PCCA: variants seen among roughly 807,000 people sequenced by gnomAD.
PCCA encodes propionyl-CoA carboxylase alpha chain, mitochondrial.
In PCCA, 74 loss-of-function variants were observed where a neutral mutation model predicts 101.3. That is an observed-to-expected ratio of 0.73 (90% CI 0.61 to 0.89). The LOEUF (loss-of-function observed/expected upper bound fraction) is 0.89. Ranked by LOEUF, PCCA falls within the 40% of genes least tolerant of loss-of-function variation. PCCA has a pLI of 0.00. For missense variants in PCCA, 891 were observed against 907.0 expected (o/e 0.98, Z 0.23); for synonymous variants, 294 against 313.6 (o/e 0.94, Z 0.66).
intron 19 of PCCA, among the ~76,000 whole-genome samples, chr13:100,393,117 G>T (rs755383656): frequency 6.6e-6 from 1 of 152,106 alleles, no homozygotes; most frequent in Admixed American, 6.5e-5. Flanking sequence ...AAATGTTGAA[G>T]AATTGAATTT....
In PCCA at chr13:100,488,644, GT is replaced by G. The variant is rs1186017014; in HGVS notation, c.1900-26771del. ...TGTTTTTTTGTTTTGTTTTTTTTTTGTTTTTTTTTTTTAATTAGCTGGTGTG... is the reference window on the plus strand; with the variant it reads ...TGTTTTTTTGTTTTGTTTTTTTTTTGTTTTTTTTTTTAATTAGCTGGTGTG... On this transcript the variant is annotated intron_variant, in intron 21 of 23. Coordinates refer to ENST00000376285, the MANE Select transcript of PCCA (RefSeq NM_000282.4). Among the ~76,000 whole-genome samples, 253 of 64,860 alleles carry G rather than the reference GT, an allele frequency of 3.9e-3. 3 individuals are homozygous for G. Among genetic ancestry groups the G allele is most frequent in the Admixed American group, 0.019 (91 of 4,906 alleles). The allele number at this position is 64,860 out of a possible 152,430, so 42.6% of individuals were successfully genotyped here. A position where few individuals can be genotyped will look rare whatever the true frequency, so the allele number is the denominator to read the frequency against.
chr13:100,314,804 A>G lies in PCCA; in HGVS notation c.1429+4896A>G, dbSNP rs1036810354. On this transcript the variant is annotated intron_variant, in intron 16 of 23. Transcript: ENST00000376285. ...ATGTAGATCAAAGGAAACTAAAGACACATGACAACTAAATGCAATGTGTGA... is the reference window on the plus strand; with the variant it reads ...ATGTAGATCAAAGGAAACTAAAGACGCATGACAACTAAATGCAATGTGTGA... 3.9e-5 allele frequency among the ~76,000 whole-genome samples: 6 copies of G among 152,344 alleles called. No homozygotes were observed. In the South Asian group the frequency reaches 1.2e-3, roughly 32 times the overall value.
chr13:100,319,437 T>C (rs1175947837), intron 16 of PCCA, among the ~76,000 whole-genome samples: 3 of 152,228 alleles, frequency 2.0e-5, no homozygotes, highest in Non-Finnish European at 4.4e-5. Flanking sequence ...TGGTATTGCC[T>C]AGGTTTTCTT....
chr13:100,466,358 G>A (rs138184489), intron 21 of PCCA, among the ~76,000 whole-genome samples: 6 of 152,340 alleles, frequency 3.9e-5, no homozygotes, highest in African/African-American at 1.4e-4. Context: ...TGCCTGACAA[G>A]ACACGTAGGA....
chr13:100,119,905 CT>C (rs1566512167), intron 4 of PCCA, among the ~76,000 whole-genome samples: 1 of 151,966 alleles, frequency 6.6e-6, no homozygotes, highest in East Asian at 1.9e-4. Context: ...GAGTTTTGCT[CT>C]TGTTGTCCAG....
At chr13:100,149,575 G>A (rs2152367737) in intron 4 of PCCA, 1 of 152,276 alleles carries the variant, frequency 6.6e-6, no homozygotes, top group East Asian at 1.9e-4. Flanking sequence ...AAGACTGGCC[G>A]GGTTATGTAA....
chr13:100,224,013 A>C (rs918740258), intron 7 of PCCA, among the ~76,000 whole-genome samples: 2 of 152,240 alleles, frequency 1.3e-5, no homozygotes, highest in African/African-American at 4.8e-5. Context: ...CCGGGGCTGC[A>C]GGTGGAGCTG....
chr13:100,420,919 A>G (rs2078702224), intron 19 of PCCA, among the ~76,000 whole-genome samples: 1 of 152,160 alleles, frequency 6.6e-6, no homozygotes, highest in Non-Finnish European at 1.5e-5. Flanking sequence ...TGAAAAAAAA[A>G]CTTTAGAGTG....
rs1388427324 is a variant in PCCA, at chr13:100,427,590, A to G, written c.1845+1859A>G. ...AAGTACTTTGCTACTAAAAGAATTAATGTGTCTGAAATAAGTGACCCCTTA... is the reference window on the plus strand; with the variant it reads ...AAGTACTTTGCTACTAAAAGAATTAGTGTGTCTGAAATAAGTGACCCCTTA... On this transcript the variant is annotated intron_variant, in intron 20 of 23. Transcript: ENST00000376285. 2.6e-5 allele frequency among the ~76,000 whole-genome samples: 4 copies of G among 152,182 alleles called. No individual in the cohort carries two copies. The East Asian group carries it at 7.7e-4, about 29-fold the overall frequency.
intron 16 of PCCA, among the ~76,000 whole-genome samples, chr13:100,318,120 A>T (rs2067572919): frequency 6.6e-6 from 1 of 152,156 alleles, no homozygotes; most frequent in Non-Finnish European, 1.5e-5. Context: ...AAATCTAGTC[A>T]TACCTGCCCT....
chr13:100,189,519 T>C (rs1303274868), intron 6 of PCCA, among the ~76,000 whole-genome samples: 1 of 152,254 alleles, frequency 6.6e-6, no homozygotes, highest in Non-Finnish European at 1.5e-5. Context: ...ATGTTTAGAT[T>C]GCGAAGGTTT....
At chr13:100,431,077 A>T (rs1392191028) in intron 20 of PCCA, among the ~76,000 whole-genome samples, 3 of 152,122 alleles carry the variant, frequency 2.0e-5, no homozygotes, top group Non-Finnish European at 4.4e-5. Flanking sequence ...TGTGCCCTTA[A>T]CATTTTTTTT....
chr13:100,202,543 A>G (rs1381118959), intron 6 of PCCA, among the ~76,000 whole-genome samples: 2 of 132,954 alleles, frequency 1.5e-5, no homozygotes, highest in Admixed American at 1.5e-4. Flanking sequence ...TTTTCTTGGT[A>G]TGTTGGTCAT....
intron 12 of PCCA, among the ~76,000 whole-genome samples, chr13:100,292,484 C>T (rs2065200386): frequency 1.3e-5 from 2 of 152,130 alleles, no homozygotes; most frequent in South Asian, 4.1e-4. Flanking sequence ...CAAAATAGTA[C>T]CTGGTTTATA....
At chr13:100,382,546 T>G (rs1240440709) in intron 19 of PCCA, among the ~76,000 whole-genome samples, 3 of 152,190 alleles carry the variant, frequency 2.0e-5, no homozygotes, top group Admixed American at 2.0e-4. Flanking sequence ...CTGCCTAGAA[T>G]TTCTCTGCCT....
intron 17 of PCCA, among the ~76,000 whole-genome samples, chr13:100,337,264 A>G (rs539198750): frequency 6.6e-6 from 1 of 152,146 alleles, no homozygotes. Flanking sequence ...TACACATTAG[A>G]AGCTGCTCAG....
chr13:100,261,348 G>GTT (rs962282188), intron 9 of PCCA, among the ~76,000 whole-genome samples: 1 of 147,210 alleles, frequency 6.8e-6, no homozygotes, highest in Non-Finnish European at 1.5e-5. Flanking sequence ...GCAAGTTTGG[G>GTT]TTTTTTTTTT....
intron 19 of PCCA, among the ~76,000 whole-genome samples, chr13:100,403,225 C>G (rs1468089589): frequency 6.6e-6 from 1 of 151,898 alleles, no homozygotes; most frequent in African/African-American, 2.4e-5. Context: ...AAGTTGAGAA[C>G]AAAATTTGGG....
At chr13:100,257,064 C>G (rs1280068931) in intron 8 of PCCA, among the ~76,000 whole-genome samples, 1 of 152,114 alleles carries the variant, frequency 6.6e-6, no homozygotes, top group Admixed American at 6.5e-5. Flanking sequence ...CTGCTCCAGC[C>G]CATAGCATCG....
Sources: allele counts gnomAD v4.1 joint callset (sites outside exome capture counted in the v4.1 genomes callset), GRCh38; gene constraint gnomAD v4.1.1; transcripts MANE v1.5; gene names NCBI Gene and HGNC (gene_info 2026-07-23, HGNC 2026-07-21).